TG: variants seen among roughly 807,000 people sequenced by gnomAD.
The protein encoded by TG is thyroglobulin, also known as thyroid hormones.
In TG, 270 loss-of-function variants were observed where a neutral mutation model predicts 324.7. The observed-to-expected ratio is 0.83, with a 90% CI of 0.75 to 0.92. The LOEUF is 0.92. Ranked by LOEUF, TG falls within the 40% of genes least tolerant of loss-of-function variation. The probability of loss-of-function intolerance (pLI) is 0.00; values close to 1 mark genes in which losing one functional copy is unlikely to be tolerated. For synonymous variants in TG, 1,401 were observed against 1,327.0 expected, an observed-to-expected ratio of 1.06 and a Z score of -1.21; for missense variants, 3,591 against 3,456.4, an observed-to-expected ratio of 1.04 and a Z score of -0.98.
chr8:133,090,874 A>G (rs1847399049), intron 41 of TG, among the ~76,000 whole-genome samples: 1 of 151,586 alleles, frequency 6.6e-6, no homozygotes, highest in Admixed American at 6.6e-5. Context: ...CTCACCCCGC[A>G]CCCCCCGGGA....
chr8:133,031,640 T>C lies in TG; in HGVS notation c.7239+1617T>C, dbSNP rs186749058. On this transcript the variant is annotated intron_variant, in intron 41 of 47. Coordinates refer to ENST00000220616, the MANE Select transcript of TG (RefSeq NM_003235.5). ...CCAACCTTTTAGGGATCCAAACTCTTGATCCTAGGAGGGTAGGAGAAGTGT... is the reference window on the plus strand; with the variant it reads ...CCAACCTTTTAGGGATCCAAACTCTCGATCCTAGGAGGGTAGGAGAAGTGT... Among the ~76,000 whole-genome samples, 32 of 152,266 alleles carry C rather than the reference T, an allele frequency of 2.1e-4. No homozygotes were observed. The East Asian group carries it at 6.0e-3, about 28-fold the overall frequency.
intron 41 of TG, among the ~76,000 whole-genome samples, chr8:133,077,854 C>T (rs781425669): frequency 2.0e-5 from 3 of 151,908 alleles, no homozygotes; most frequent in Non-Finnish European, 2.9e-5. Context: ...ACCCCCTAGA[C>T]AGCAGGAGCC....
chr8:133,071,143 ACAACAGGAGAGGGGG>A (rs1398218583), intron 41 of TG, among the ~76,000 whole-genome samples: 1 of 152,170 alleles, frequency 6.6e-6, no homozygotes, highest in East Asian at 1.9e-4. Context: ...TTCGTGTACA[ACAACAGGAGAGGGGG>A]CACCAGTGCG....
rs565642270 is a variant in TG, at chr8:132,940,461, G to A, written c.5042-890G>A. On this transcript the variant is annotated intron_variant, in intron 25 of 47. Transcript: ENST00000220616. ...GACTTAGGGACGGGAAACCCAAACC[G>A]TGCCACTTTTAGGTAGACCAATGGA... is the stretch of plus-strand genomic sequence containing the variant. Among the ~76,000 whole-genome samples, 6 of 152,294 alleles carry A rather than the reference G, an allele frequency of 3.9e-5. No homozygotes were observed. In the South Asian group the frequency reaches 8.3e-4, roughly 21 times the overall value.
At chr8:132,872,292 C>T (rs1168343925) in intron 4 of TG, among the ~76,000 whole-genome samples, 1 of 151,470 alleles carries the variant, frequency 6.6e-6, no homozygotes, top group African/African-American at 2.4e-5. Flanking sequence ...TCCCGGCTAA[C>T]ACGGTGAAAC....
chr8:133,032,554 A>G (rs577103510), intron 41 of TG, among the ~76,000 whole-genome samples: 16 of 152,306 alleles, frequency 1.1e-4, no homozygotes, highest in Non-Finnish European at 2.1e-4. Flanking sequence ...TGTTTTAGTC[A>G]TTTGGAAGTA....
At chr8:133,114,792 G>A (rs1358478227) in intron 44 of TG, among the ~76,000 whole-genome samples, 2 of 152,222 alleles carry the variant, frequency 1.3e-5, no homozygotes, top group East Asian at 1.9e-4. Context: ...GTAAACTGGA[G>A]CCTGTTGGGA....
rs1820846193 is a variant in TG, at chr8:132,919,646, C to T, written c.4528+121C>T. ...CAGATAATTCTTTGTGCAGGGTTGG[C>T]CTGTGCTTGGTAGGATATTTAGTAG... On this transcript the variant is annotated intron_variant, in intron 21 of 47. Coordinates refer to ENST00000220616, the MANE Select transcript of TG (RefSeq NM_003235.5). The T allele has an allele frequency of 1.3e-5, 18 of 1,415,342 alleles. No individual in the cohort carries two copies. The South Asian group carries it at 1.5e-4, about 12-fold the overall frequency. The allele number at this position is 1,415,342 out of a possible 1,614,324, so 87.7% of individuals were successfully genotyped here.
At chr8:133,044,392 C>T (rs1468961172) in intron 41 of TG, among the ~76,000 whole-genome samples, 3 of 152,120 alleles carry the variant, frequency 2.0e-5, no homozygotes, top group African/African-American at 7.2e-5. Flanking sequence ...TCTCCTGGGT[C>T]TGTGAAGGGC....
intron 34 of TG, among the ~76,000 whole-genome samples, chr8:132,974,499 C>T (rs1245927830): frequency 1.3e-5 from 2 of 152,136 alleles, no homozygotes; most frequent in Admixed American, 1.3e-4. Flanking sequence ...AATTGCTTGA[C>T]CCAAACCACA....
chr8:133,006,149 C>A (rs1319967200), intron 35 of TG, among the ~76,000 whole-genome samples: 4 of 152,188 alleles, frequency 2.6e-5, no homozygotes, highest in Non-Finnish European at 5.9e-5. Context: ...ATTAGAGTTT[C>A]TCAGAGTAGT....
intron 41 of TG, chr8:133,074,818 C>T: frequency 1.0e-6 from 1 of 982,968 alleles, no homozygotes; most frequent in Non-Finnish European, 1.2e-6. Context: ...TGAAGTCTCT[C>T]CCCACCCCAT....
In TG at chr8:133,025,079, A is replaced by G. The variant is rs559109071; in HGVS notation, c.7036+2929A>G. Among the ~76,000 whole-genome samples the G allele has an allele frequency of 1.5e-4, 23 of 152,202 alleles. No homozygotes were observed. The South Asian group carries it at 4.8e-3, about 32-fold the overall frequency. Reference sequence around the variant, plus strand: ...ATTCCCAGACTTCCCAGTCTCTCACATTGCGCCTCCGTGCTCTTCAGCTCT... The same window carrying G: ...ATTCCCAGACTTCCCAGTCTCTCACGTTGCGCCTCCGTGCTCTTCAGCTCT... On this transcript the variant is annotated intron_variant, in intron 40 of 47. Transcript: ENST00000220616.
At chr8:133,104,511 G>A (rs762448145) in intron 43 of TG, among the ~76,000 whole-genome samples, 7 of 152,220 alleles carry the variant, frequency 4.6e-5, no homozygotes, top group South Asian at 2.1e-4. Flanking sequence ...TATATCTCGC[G>A]TTGGCAGCTG....
chr8:132,991,781 C>T (rs1478969802), intron 35 of TG, among the ~76,000 whole-genome samples: 2 of 152,056 alleles, frequency 1.3e-5, no homozygotes, highest in South Asian at 4.1e-4. Flanking sequence ...GACTGTGCTG[C>T]TTGGGTGACT....
At chr8:133,065,543 C>T (rs958569040) in intron 41 of TG, among the ~76,000 whole-genome samples, 4 of 152,198 alleles carry the variant, frequency 2.6e-5, no homozygotes, top group East Asian at 1.9e-4. Flanking sequence ...AGGTGGATCA[C>T]GTCAGGTCAG....
intron 35 of TG, among the ~76,000 whole-genome samples, chr8:132,994,293 G>A (rs1832664550): frequency 6.6e-6 from 1 of 152,204 alleles, no homozygotes; most frequent in Admixed American, 6.5e-5. Context: ...TTCACACTAA[G>A]GTGAAAATAT....
chr8:132,957,774 C>CACACACACACACACAGACACACAG (rs1827141296), intron 27 of TG, among the ~76,000 whole-genome samples: 2 of 151,374 alleles, frequency 1.3e-5, no homozygotes, highest in African/African-American at 4.9e-5. Context: ...CACACACACA[C>CACACACACACACACAGACACACAG]ACACACACAC....
In TG at chr8:132,898,854, G is replaced by T. The variant is rs766004335; in HGVS notation, c.3274G>T (p.Ala1092Ser). The change falls in exon 14 of 48, where the codon GCT becomes TCT. Residue 1092 changes from alanine (A) to serine (S), a missense_variant. Transcript: ENST00000220616. Reference protein sequence around the residue: ...TSGLLSSWKQARSQENPSPKD... With the variant: ...TSGLLSSWKQSRSQENPSPKD... ...TGGGCTGCTTTCCAGTTGGAAACAG[G>T]CTAGATCCCAAGAAAACCCATCTCC... The T allele has an allele frequency of 3.1e-6, 5 of 1,614,184 alleles. No homozygotes were observed. The highest frequency in any genetic ancestry group is 2.2e-5 in the South Asian group (2 of 91,080).
Sources: gnomAD v4.1 joint callset for allele counts (sites outside exome capture counted in the v4.1 genomes callset) on GRCh38, gnomAD v4.1.1 for gene constraint, MANE v1.5 for transcripts, NCBI Gene and HGNC (gene_info 2026-07-23, HGNC 2026-07-21) for gene names.